The following DOK6 variants were observed in gnomAD, a reference collection of about 807,000 sequenced individuals.
DOK6 encodes the protein docking protein 6.
DOK6 carries 22 observed loss-of-function variants against 44.0 expected under a neutral mutation model. That is an observed-to-expected ratio of 0.50 (90% CI 0.36 to 0.71). DOK6 has a LOEUF of 0.71. Among genes scored for constraint, DOK6 ranks in the 30% least tolerant of loss-of-function variants. DOK6 has a pLI of 0.00. For synonymous variants in DOK6, 166 were observed against 145.5 expected, an observed-to-expected ratio of 1.14 and a Z score of -1.01; for missense variants, 340 against 416.4, an observed-to-expected ratio of 0.82 and a Z score of 1.60.
intron 7 of DOK6, among the ~76,000 whole-genome samples, chr18:69,763,659 A>C (rs148833391): frequency 5.3e-5 from 8 of 152,302 alleles, no homozygotes; most frequent in African/African-American, 1.7e-4. Context: ...AAAACAAAAA[A>C]CAAGGAAATC....
At chr18:69,569,761 C>T (rs764731688) in intron 2 of DOK6, among the ~76,000 whole-genome samples, 8 of 152,072 alleles carry the variant, frequency 5.3e-5, no homozygotes, top group Admixed American at 2.0e-4. Context: ...GGCACATGCA[C>T]ATATATGTAC....
At chr18:69,607,573 C>A (rs773877059) in intron 3 of DOK6, among the ~76,000 whole-genome samples, 90 of 152,066 alleles carry the variant, frequency 5.9e-4, no homozygotes, top group Non-Finnish European at 1.1e-3. Context: ...GTTAATACTG[C>A]ATTTTAATAT....
At chr18:69,717,825 G>T (rs943344877) in intron 5 of DOK6, among the ~76,000 whole-genome samples, 13 of 152,168 alleles carry the variant, frequency 8.5e-5, no homozygotes, top group African/African-American at 3.1e-4. Flanking sequence ...CTGTATATTG[G>T]TTGGTTTGCA....
intron 4 of DOK6, among the ~76,000 whole-genome samples, chr18:69,697,558 T>C (rs1317671619): frequency 1.3e-5 from 2 of 152,118 alleles, no homozygotes; most frequent in Non-Finnish European, 2.9e-5. Context: ...GGATACTTTA[T>C]AGAGTATGTT....
At chr18:69,524,684 T>C (rs1181863326) in intron 1 of DOK6, among the ~76,000 whole-genome samples, 2 of 151,990 alleles carry the variant, frequency 1.3e-5, no homozygotes, top group Non-Finnish European at 2.9e-5. Context: ...AGAAATGTAA[T>C]GAAAAACCAT....
intron 1 of DOK6, among the ~76,000 whole-genome samples, chr18:69,477,311 C>G (rs1419658219): frequency 6.6e-6 from 1 of 152,092 alleles, no homozygotes; most frequent in African/African-American, 2.4e-5. Context: ...CAAGTTTGTC[C>G]CATTGGAGGC....
chr18:69,630,143 A>G (rs1224381337), intron 3 of DOK6, among the ~76,000 whole-genome samples: 1 of 152,180 alleles, frequency 6.6e-6, no homozygotes, highest in African/African-American at 2.4e-5. Context: ...GTTAATTCAT[A>G]ATGAAAACCT....
chr18:69,423,040 A>G (rs1978538464), intron 1 of DOK6, among the ~76,000 whole-genome samples: 1 of 152,180 alleles, frequency 6.6e-6, no homozygotes, highest in Non-Finnish European at 1.5e-5. Flanking sequence ...GCAGTGGCTC[A>G]CAGATGTAAT....
chr18:69,566,478 G>T (rs1165766676), intron 2 of DOK6, among the ~76,000 whole-genome samples: 1 of 152,136 alleles, frequency 6.6e-6, no homozygotes, highest in Non-Finnish European at 1.5e-5. Context: ...AAATTGTCAA[G>T]AAGCATTATT....
intron 7 of DOK6, among the ~76,000 whole-genome samples, chr18:69,823,528 T>C (rs1482359252): frequency 6.6e-6 from 1 of 152,054 alleles, no homozygotes; most frequent in African/African-American, 2.4e-5. Flanking sequence ...AGAGGGCCAT[T>C]AGAGCAGAGG....
intron 1 of DOK6, among the ~76,000 whole-genome samples, chr18:69,523,078 G>T (rs919930347): frequency 6.6e-6 from 1 of 152,142 alleles, no homozygotes; most frequent in African/African-American, 2.4e-5. Flanking sequence ...CTTCGCCAGG[G>T]GAACTTTGGT....
At chr18:69,542,694 C>T (rs955075092) in intron 1 of DOK6, among the ~76,000 whole-genome samples, 19 of 151,150 alleles carry the variant, frequency 1.3e-4, no homozygotes, top group African/African-American at 4.1e-4. Flanking sequence ...TGAGTAAAAA[C>T]GCTTGCTTAA....
intron 2 of DOK6, among the ~76,000 whole-genome samples, chr18:69,568,790 C>T (rs551539852): frequency 1.3e-5 from 2 of 151,998 alleles, no homozygotes; most frequent in African/African-American, 4.8e-5. Context: ...GAGCACAAAC[C>T]CTATTGTGAA....
intron 6 of DOK6, among the ~76,000 whole-genome samples, chr18:69,739,311 G>A (rs1458560277): frequency 2.0e-5 from 3 of 152,186 alleles, no homozygotes; most frequent in African/African-American, 4.8e-5. Flanking sequence ...TGTGAGCCCT[G>A]CACTTCTGGC....
At chr18:69,496,665 C>A (rs1403987123) in intron 1 of DOK6, among the ~76,000 whole-genome samples, 1 of 152,164 alleles carries the variant, frequency 6.6e-6, no homozygotes, top group Non-Finnish European at 1.5e-5. Flanking sequence ...CCAGAAAATT[C>A]TTCATAATCC....
At chr18:69,457,050 C>T (rs1979651656) in intron 1 of DOK6, among the ~76,000 whole-genome samples, 1 of 152,020 alleles carries the variant, frequency 6.6e-6, no homozygotes, top group South Asian at 2.1e-4. Flanking sequence ...GATATTAGAC[C>T]TTTGTTGGAT....
intron 7 of DOK6, among the ~76,000 whole-genome samples, chr18:69,763,031 C>CT (rs766209023): frequency 2.0e-5 from 3 of 152,076 alleles, no homozygotes; most frequent in Non-Finnish European, 2.9e-5. Flanking sequence ...GAATAAGAAT[C>CT]TCCAATACAA....
intron 1 of DOK6, among the ~76,000 whole-genome samples, chr18:69,506,268 A>C (rs1264790099): frequency 1.3e-5 from 2 of 152,168 alleles, no homozygotes; most frequent in Non-Finnish European, 2.9e-5. Flanking sequence ...GTATGTTTAC[A>C]TGCAGTATAA....
At chr18:69,446,427 G>C (rs975556004) in intron 1 of DOK6, among the ~76,000 whole-genome samples, 18 of 152,080 alleles carry the variant, frequency 1.2e-4, no homozygotes, top group African/African-American at 3.9e-4. Flanking sequence ...TGGTGTATAT[G>C]TGCCACATTT....
Sources: allele counts gnomAD v4.1 joint callset (sites outside exome capture counted in the v4.1 genomes callset), GRCh38; gene constraint gnomAD v4.1.1; transcripts MANE v1.5; gene names NCBI Gene and HGNC (gene_info 2026-07-23, HGNC 2026-07-21).